Variants in RDH12 observed in about 807,000 individuals in gnomAD.
RDH12 encodes the protein all-trans and 9-cis retinol dehydrogenase.
A neutral mutation model predicts 34.0 loss-of-function variants in RDH12; 21 were observed. That is an observed-to-expected ratio of 0.62 (90% CI 0.44 to 0.89). The LOEUF (loss-of-function observed/expected upper bound fraction) is 0.89, where lower values mean the gene tolerates loss of function less well. Ranked by LOEUF, RDH12 falls within the 40% of genes least tolerant of loss-of-function variation. RDH12 has a pLI of 0.00. For missense variants in RDH12, 394 were observed against 398.6 expected, an observed-to-expected ratio of 0.99 and a Z score of 0.10; for synonymous variants, 198 against 169.9, an observed-to-expected ratio of 1.17 and a Z score of -1.29.
chr14:67,705,571 A>G (rs1453226483), intron 1 of RDH12, among the ~76,000 whole-genome samples: 1 of 152,196 alleles, frequency 6.6e-6, no homozygotes, highest in East Asian at 1.9e-4. Flanking sequence ...CTGGACCAGA[A>G]ATAGGACATT....
intron 1 of RDH12, among the ~76,000 whole-genome samples, chr14:67,713,397 CAAAAAAAAAA>C (rs71129850): frequency 4.8e-4 from 23 of 47,654 alleles, no homozygotes; most frequent in African/African-American, 1.0e-3. Flanking sequence ...AGTAAAACTC[CAAAAAAAAAA>C]AAAAAAAAAA....
At chr14:67,726,008 G>A (rs754467274) in intron 5 of RDH12, 43 bp from the exon 6 acceptor site, 2 of 1,319,142 alleles carry the variant, frequency 1.5e-6, no homozygotes, top group East Asian at 4.6e-5. Flanking sequence ...GCAGCTAGGG[G>A]ACTCCTTGCT....
rs1473535421 is a variant in RDH12 at position 67,727,130 on chromosome 14, T to C, written c.598T>C (p.Tyr200His). 6.2e-7 allele frequency: 1 copy of C among 1,614,210 alleles called. No homozygotes were observed. The highest frequency in any genetic ancestry group is 8.5e-7 in the Non-Finnish European group (1 of 1,180,036). The change falls in exon 7 of 9, where the codon TAT (tyrosine) becomes CAT (histidine). Residue 200 changes from tyrosine to histidine, a missense_variant. Physicochemically the swap from Tyr to His is moderately conservative, Grantham distance 83. Coordinates refer to ENST00000551171, the MANE Select transcript of RDH12 (RefSeq NM_152443.3). ...SEKRYSRGFA[Y>H]CHSKLANVLF... Reference sequence around the variant, plus strand: ...GAAGCGCTACAGCAGGGGTTTTGCCTATTGCCACAGCAAGCTGGCCAATGT... The same window carrying C: ...GAAGCGCTACAGCAGGGGTTTTGCCCATTGCCACAGCAAGCTGGCCAATGT...
intron 3 of RDH12, 148 bp downstream of exon 3, chr14:67,722,858 A>G: frequency 1.3e-6 from 1 of 767,348 alleles, no homozygotes; most frequent in Non-Finnish European, 2.3e-6. Context: ...GGTGTTGTGG[A>G]TACCATGGTG....
At chr14:67,725,075 G>C in intron 4 of RDH12, 24 bp from the exon 5 acceptor site, 1 of 1,613,868 alleles carries the variant, frequency 6.2e-7, no homozygotes, top group Non-Finnish European at 8.5e-7. Flanking sequence ...TGAACATACT[G>C]CTCTTTTTTT....
At chr14:67,719,918 A>G (rs1409840988) in intron 1 of RDH12, among the ~76,000 whole-genome samples, 3 of 152,230 alleles carry the variant, frequency 2.0e-5, no homozygotes, top group East Asian at 1.9e-4. Context: ...CTGCTATAAT[A>G]TACAATGCTA....
Position 67,729,194 on chromosome 14 carries a change from C to T in RDH12, c.662C>T (p.Thr221Ile), listed in dbSNP as rs769317754. 218 of 1,612,798 alleles carry T rather than the reference C, an allele frequency of 1.4e-4. No homozygotes were observed. The highest frequency in any genetic ancestry group is 1.7e-4 in the Middle Eastern group (1 of 5,794). ...TRELAKRLQG[T>I]GVTTYAVHPG... ...AATTGTGCCCTCTTTGTCCCAGGCA[C>T]CGGGGTCACCACCTACGCAGTGCAC... Residue 221 changes from threonine (T) to isoleucine (I), a missense_variant, in exon 8 of 9, where the codon ACC becomes ATC. Thr to Ile is a moderately conservative substitution (Grantham distance 89, BLOSUM62 -1). Transcript: ENST00000551171.
At chr14:67,716,027 C>G (rs2038065929) in intron 1 of RDH12, among the ~76,000 whole-genome samples, 1 of 152,024 alleles carries the variant, frequency 6.6e-6, no homozygotes, top group Admixed American at 6.5e-5. Context: ...AACCCCGTCT[C>G]TACTAAAAAT....
At position 67,722,554 on chromosome 14, in the gene RDH12, G is replaced by A. The variant is rs1240992858; in HGVS notation, c.-89G>A. 19 of 1,092,796 alleles carry A rather than the reference G, an allele frequency of 1.7e-5. No individual in the cohort carries two copies. Among genetic ancestry groups the A allele is most frequent in the Non-Finnish European group, 2.4e-5 (17 of 704,598 alleles). The allele number at this position is 1,092,796 out of a possible 1,614,324, so 67.7% of individuals were successfully genotyped here. A position where few individuals can be genotyped will look rare whatever the true frequency, so the allele number is the denominator to read the frequency against. On this transcript the variant is annotated 5_prime_UTR_variant, in exon 3 of 9. Transcript: ENST00000551171. ...GCAGAGAAGCAGCAGAAGCAGCCAA[G>A]AGCTGGAGCCAGACCAGGAACCTGA...
At chr14:67,723,003 A>G (rs2038143126) in intron 3 of RDH12, among the ~76,000 whole-genome samples, 2 of 152,184 alleles carry the variant, frequency 1.3e-5, no homozygotes, top group Non-Finnish European at 2.9e-5. Context: ...CAAACACCTT[A>G]GGTGGGAGTC....
intron 4 of RDH12, 124 bp from the exon 5 acceptor site, chr14:67,724,975 C>T: frequency 8.8e-7 from 1 of 1,130,288 alleles, no homozygotes; most frequent in East Asian, 2.3e-5. Context: ...GCAATATGTT[C>T]ACTCTACCGT....
intron 1 of RDH12, among the ~76,000 whole-genome samples, chr14:67,703,398 G>A (rs985993385): frequency 2.0e-5 from 3 of 152,168 alleles, no homozygotes; most frequent in Non-Finnish European, 4.4e-5. Context: ...ATTTTAGCTT[G>A]AACTGGCTGA....
intron 8 of RDH12, among the ~76,000 whole-genome samples, chr14:67,730,965 C>T (rs950500697): frequency 1.3e-5 from 2 of 152,028 alleles, no homozygotes; most frequent in Non-Finnish European, 2.9e-5. Flanking sequence ...TAAGTTATCT[C>T]ATTTTATATT....
At chr14:67,703,533 T>A (rs2037921932) in intron 1 of RDH12, among the ~76,000 whole-genome samples, 1 of 152,000 alleles carries the variant, frequency 6.6e-6, no homozygotes, top group Non-Finnish European at 1.5e-5. Context: ...TATATAGAGG[T>A]AGACAGAGAA....
At chr14:67,718,237 T>A (rs1317463886) in intron 1 of RDH12, among the ~76,000 whole-genome samples, 1 of 152,124 alleles carries the variant, frequency 6.6e-6, no homozygotes, top group African/African-American at 2.4e-5. Context: ...AAAGATGGAA[T>A]CTGTCATCTC....
chr14:67,716,128 C>T (rs1287773317), intron 1 of RDH12, among the ~76,000 whole-genome samples: 1 of 150,240 alleles, frequency 6.7e-6, no homozygotes, highest in East Asian at 2.0e-4. Flanking sequence ...ACCTGGGAGG[C>T]GGAGCTTGCA....
chr14:67,715,956 G>C (rs1321598649), intron 1 of RDH12, among the ~76,000 whole-genome samples: 2 of 152,206 alleles, frequency 1.3e-5, no homozygotes, highest in Non-Finnish European at 2.9e-5. Context: ...AGCACTTTGG[G>C]AGGCCGAGGC....
intron 1 of RDH12, among the ~76,000 whole-genome samples, chr14:67,703,412 G>T (rs373594671): frequency 6.6e-6 from 1 of 152,110 alleles, no homozygotes; most frequent in Non-Finnish European, 1.5e-5. Flanking sequence ...TGGCTGAATC[G>T]TATAAGAAAA....
rs963233306 is a variant in RDH12, at chr14:67,725,127, T to G, written c.216T>G (p.Asp72Glu). The change falls in exon 5 of 9, where the codon GAT (aspartate) becomes GAG (glutamate). Residue 72 changes from aspartate (D) to glutamate (E), a missense_variant. Transcript: ENST00000551171. The part of the protein sequence containing the change: ...RGARVYIACR[D>E]VLKGESAASE... ...CCCGAGTCTATATTGCCTGCAGAGA[T>G]GTACTGAAGGGGGAGTCTGCTGCCA... is the stretch of plus-strand genomic sequence containing the variant. 6.2e-7 allele frequency: 1 copy of G among 1,614,166 alleles called. No individual in the cohort carries two copies. Among genetic ancestry groups the G allele is most frequent in the Non-Finnish European group, 8.5e-7 (1 of 1,180,022 alleles).
Sources: allele counts gnomAD v4.1 joint callset (sites outside exome capture counted in the v4.1 genomes callset), GRCh38; gene constraint gnomAD v4.1.1; transcripts MANE v1.5; gene names NCBI Gene and HGNC (gene_info 2026-07-23, HGNC 2026-07-21).